Variants in BTAF1 observed in about 807,000 individuals in gnomAD.
BTAF1 encodes the protein TATA-binding protein-associated factor 172.
BTAF1 carries 38 observed loss-of-function variants against 227.1 expected under a neutral mutation model. The observed-to-expected ratio is 0.17, with a 90% confidence interval of 0.13 to 0.22. The LOEUF is 0.22. BTAF1 is among the 10% of genes least tolerant of loss of function. The pLI is 1.00. For synonymous variants in BTAF1, 742 were observed against 751.9 expected, an observed-to-expected ratio of 0.99 and a Z score of 0.21; for missense variants, 1,598 against 2,204.0, an observed-to-expected ratio of 0.73 and a Z score of 5.51.
At chr10:91,979,147 G>C (rs1247656146) in intron 14 of BTAF1, among the ~76,000 whole-genome samples, 1 of 152,046 alleles carries the variant, frequency 6.6e-6, no homozygotes, top group Non-Finnish European at 1.5e-5. Flanking sequence ...CAAAGAACAT[G>C]AGCTTATTCT....
intron 3 of BTAF1, among the ~76,000 whole-genome samples, chr10:91,941,271 C>T (rs563470349): frequency 7.2e-5 from 11 of 152,110 alleles, no homozygotes; most frequent in East Asian, 1.9e-4. Context: ...TTAAAAAACT[C>T]GCATTAAGCT....
chr10:91,924,312 T>G (rs778301116), intron 1 of BTAF1, among the ~76,000 whole-genome samples: 4 of 152,208 alleles, frequency 2.6e-5, no homozygotes, highest in Non-Finnish European at 5.9e-5. Flanking sequence ...AATAGACCCC[T>G]TGGCACGTTA....
chr10:91,965,064 C>T (rs1564678988), intron 13 of BTAF1, among the ~76,000 whole-genome samples: 1 of 152,116 alleles, frequency 6.6e-6, no homozygotes, highest in Non-Finnish European at 1.5e-5. Flanking sequence ...TACTGACCTA[C>T]TGGAAGTACT....
intron 20 of BTAF1, among the ~76,000 whole-genome samples, chr10:91,991,210 C>T (rs1287949340): frequency 1.4e-5 from 2 of 146,776 alleles, no homozygotes; most frequent in Non-Finnish European, 3.0e-5. Flanking sequence ...CGCACTGCTG[C>T]ACTCCAGCCT....
chr10:91,934,284 G>C (rs1844453938), intron 1 of BTAF1, among the ~76,000 whole-genome samples: 1 of 151,748 alleles, frequency 6.6e-6, no homozygotes, highest in Non-Finnish European at 1.5e-5. Context: ...ACCCAAGCTG[G>C]AGTGCAGTGG....
chr10:91,930,457 G>A (rs1375614419), intron 1 of BTAF1, among the ~76,000 whole-genome samples: 1 of 152,112 alleles, frequency 6.6e-6, no homozygotes, highest in South Asian at 2.1e-4. Context: ...AGGGTAGAGT[G>A]GGGTAACTTA....
intron 14 of BTAF1, among the ~76,000 whole-genome samples, chr10:91,971,406 C>A (rs1847292746): frequency 6.6e-6 from 1 of 151,692 alleles, no homozygotes; most frequent in African/African-American, 2.4e-5. Context: ...TCCCCACATA[C>A]ATGCTTTACT....
intron 6 of BTAF1, 39 bp downstream of exon 6, chr10:91,953,912 G>A (rs775067690): frequency 6.2e-7 from 1 of 1,605,892 alleles, no homozygotes; most frequent in South Asian, 1.1e-5. Flanking sequence ...AAAACAAGAG[G>A]GCTCTGTGGC....
chr10:92,008,093 T>A (rs370311962), intron 25 of BTAF1, 30 bp from the exon 26 acceptor site: 6 of 1,552,710 alleles, frequency 3.9e-6, no homozygotes, highest in Non-Finnish European at 5.2e-6. Flanking sequence ...GAGTACGTAG[T>A]TTTTAATAAC....
intron 14 of BTAF1, among the ~76,000 whole-genome samples, chr10:91,976,476 C>A (rs1320008398): frequency 6.6e-6 from 1 of 152,122 alleles, no homozygotes; most frequent in Non-Finnish European, 1.5e-5. Context: ...ATAGTTAGTT[C>A]CTCTGGCAAC....
chr10:91,991,456 C>T (rs1271443392), intron 20 of BTAF1, among the ~76,000 whole-genome samples: 1 of 148,156 alleles, frequency 6.7e-6, no homozygotes, highest in East Asian at 2.1e-4. Context: ...AAAATAACAA[C>T]AAAAAATTAA....
chr10:92,022,388 A>G (rs192652267), intron 34 of BTAF1, among the ~76,000 whole-genome samples: 4 of 152,224 alleles, frequency 2.6e-5, no homozygotes, highest in Admixed American at 6.5e-5. Flanking sequence ...TGGAACTCTT[A>G]TGGGATCTGT....
intron 19 of BTAF1, among the ~76,000 whole-genome samples, chr10:91,988,309 T>G (rs886942578): frequency 1.3e-5 from 2 of 152,226 alleles, no homozygotes; most frequent in Admixed American, 6.5e-5. Flanking sequence ...TAACTGAGGC[T>G]TTTCCTCAGT....
At chr10:91,985,367 A>G (rs1302085447) in intron 19 of BTAF1, among the ~76,000 whole-genome samples, 1 of 152,078 alleles carries the variant, frequency 6.6e-6, no homozygotes, top group Admixed American at 6.5e-5. Flanking sequence ...TTATACCACA[A>G]CTAGTTTAAG....
At chr10:91,991,472 T>C (rs1214049326) in intron 20 of BTAF1, among the ~76,000 whole-genome samples, 1 of 149,386 alleles carries the variant, frequency 6.7e-6, no homozygotes, top group African/African-American at 2.5e-5. Flanking sequence ...ATTAATAGGC[T>C]GGGCATGGTG....
chr10:92,005,618 T>C (rs1298472369), intron 25 of BTAF1, among the ~76,000 whole-genome samples: 1 of 152,106 alleles, frequency 6.6e-6, no homozygotes, highest in East Asian at 1.9e-4. Context: ...TTCACATAGA[T>C]TGTTGTGTCA....
chr10:91,971,321 G>A (rs1847286011), intron 14 of BTAF1, among the ~76,000 whole-genome samples: 1 of 152,044 alleles, frequency 6.6e-6, no homozygotes, highest in Non-Finnish European at 1.5e-5. Context: ...CCTGATCCTT[G>A]CTGTTTATTA....
chr10:92,023,020 T>C (rs538657786), intron 34 of BTAF1, among the ~76,000 whole-genome samples: 13 of 152,294 alleles, frequency 8.5e-5, no homozygotes, highest in Admixed American at 7.2e-4. Context: ...GGGAAGATTA[T>C]TAGAGATTCA....
At chr10:92,023,421 C>T (rs1396790557) in intron 34 of BTAF1, among the ~76,000 whole-genome samples, 1 of 152,126 alleles carries the variant, frequency 6.6e-6, no homozygotes, top group East Asian at 1.9e-4. Context: ...GGTACAGTGG[C>T]TCACGCCTGT....
Sources: gnomAD v4.1 joint callset for allele counts (sites outside exome capture counted in the v4.1 genomes callset) on GRCh38, gnomAD v4.1.1 for gene constraint, MANE v1.5 for transcripts, NCBI Gene and HGNC (gene_info 2026-07-23, HGNC 2026-07-21) for gene names.